SETBP1: variants seen among roughly 807,000 people sequenced by gnomAD.
SETBP1 encodes the protein SET-binding protein.
In SETBP1, 9 loss-of-function variants were observed where a neutral mutation model predicts 101.0. That is an observed-to-expected ratio of 0.09 (90% CI 0.05 to 0.16). The LOEUF is 0.16. Ranked by LOEUF, SETBP1 falls within the 10% of genes least tolerant of loss-of-function variation. The pLI, the probability that SETBP1 is intolerant of heterozygous loss-of-function variation, is 1.00. For missense variants in SETBP1, 1,858 were observed against 2,033.8 expected (o/e 0.91, Z 1.66); for synonymous variants, 818 against 788.5 (o/e 1.04, Z -0.63).
At chr18:45,021,149 G>A (rs1187879304) in intron 4 of SETBP1, among the ~76,000 whole-genome samples, 2 of 152,140 alleles carry the variant, frequency 1.3e-5, no homozygotes, top group African/African-American at 2.4e-5. Context: ...ATAAATACAT[G>A]AATATCACAA....
chr18:44,887,939 C>G (rs1007311031), intron 3 of SETBP1, among the ~76,000 whole-genome samples: 1 of 152,056 alleles, frequency 6.6e-6, no homozygotes. Context: ...TACGAGGGCT[C>G]AGTGGGAGGC....
intron 2 of SETBP1, among the ~76,000 whole-genome samples, chr18:44,865,267 A>G (rs2069103437): frequency 6.6e-6 from 1 of 152,206 alleles, no homozygotes; most frequent in African/African-American, 2.4e-5. Context: ...TTAGTACCAA[A>G]CATTGGTTTT....
intron 2 of SETBP1, among the ~76,000 whole-genome samples, chr18:44,796,544 A>G (rs1371169113): frequency 6.6e-6 from 1 of 152,234 alleles, no homozygotes; most frequent in African/African-American, 2.4e-5. Flanking sequence ...TCTTTATGTG[A>G]TTCCAACTGC....
chr18:44,975,473 C>T (rs2071965732), intron 4 of SETBP1, among the ~76,000 whole-genome samples: 1 of 152,002 alleles, frequency 6.6e-6, no homozygotes, highest in Non-Finnish European at 1.5e-5. Flanking sequence ...TACTGAGGTT[C>T]GATACTCAGT....
intron 2 of SETBP1, among the ~76,000 whole-genome samples, chr18:44,782,551 T>C (rs772379525): frequency 2.0e-5 from 3 of 152,160 alleles, no homozygotes; most frequent in Admixed American, 1.3e-4. Context: ...TGTATGGAAA[T>C]CATCTAGGTG....
At chr18:44,683,801 A>C (rs151022700) in intron 1 of SETBP1, among the ~76,000 whole-genome samples, 1 of 152,370 alleles carries the variant, frequency 6.6e-6, no homozygotes, top group East Asian at 1.9e-4. Context: ...CCAGCCAATG[A>C]AACCCTGTTT....
At chr18:44,693,292 G>C (rs1165219734) in intron 1 of SETBP1, among the ~76,000 whole-genome samples, 2 of 152,168 alleles carry the variant, frequency 1.3e-5, no homozygotes, top group Non-Finnish European at 2.9e-5. Context: ...CAAGCCCTGG[G>C]GGTGACCATG....
At chr18:44,747,487 C>T (rs185035401) in intron 2 of SETBP1, among the ~76,000 whole-genome samples, 13 of 152,244 alleles carry the variant, frequency 8.5e-5, no homozygotes, top group Non-Finnish European at 1.6e-4. Context: ...CCACACAGCT[C>T]GAGAATGGCA....
intron 4 of SETBP1, among the ~76,000 whole-genome samples, chr18:45,002,935 G>A (rs1220867254): frequency 6.6e-6 from 1 of 152,162 alleles, no homozygotes; most frequent in East Asian, 1.9e-4. Context: ...AAGAACTTGG[G>A]TTGTTGGGGT....
At chr18:44,721,106 G>A (rs1406508688) in intron 2 of SETBP1, among the ~76,000 whole-genome samples, 4 of 152,172 alleles carry the variant, frequency 2.6e-5, no homozygotes, top group African/African-American at 9.7e-5. Flanking sequence ...AGCCTTCTGG[G>A]ACGTGGAAAG....
chr18:45,012,039 T>A (rs1187990475), intron 4 of SETBP1, among the ~76,000 whole-genome samples: 1 of 152,192 alleles, frequency 6.6e-6, no homozygotes, highest in East Asian at 1.9e-4. Flanking sequence ...GACTTCTTCA[T>A]AATTCTCCAG....
chr18:45,051,441 A>T (rs955856178), intron 5 of SETBP1, among the ~76,000 whole-genome samples: 8 of 152,194 alleles, frequency 5.3e-5, no homozygotes, highest in Admixed American at 3.3e-4. Context: ...AACCATTATG[A>T]TTCTGATTCA....
chr18:44,989,607 C>A (rs1237000231), intron 4 of SETBP1, among the ~76,000 whole-genome samples: 1 of 151,566 alleles, frequency 6.6e-6, no homozygotes, highest in East Asian at 1.9e-4. Flanking sequence ...CAAGAAATTC[C>A]AAACAGGATT....
intron 2 of SETBP1, among the ~76,000 whole-genome samples, chr18:44,844,936 A>G (rs2072695458): frequency 6.6e-6 from 1 of 152,188 alleles, no homozygotes; most frequent in African/African-American, 2.4e-5. Context: ...TGCTATTCAC[A>G]TTCATGCTTG....
At chr18:44,691,914 C>T (rs2068940509) in intron 1 of SETBP1, among the ~76,000 whole-genome samples, 1 of 152,144 alleles carries the variant, frequency 6.6e-6, no homozygotes, top group African/African-American at 2.4e-5. Context: ...AGGAACTTGC[C>T]CAAGGCCACC....
At chr18:44,919,274 T>C (rs2144923361) in intron 3 of SETBP1, among the ~76,000 whole-genome samples, 1 of 152,156 alleles carries the variant, frequency 6.6e-6, no homozygotes, top group Non-Finnish European at 1.5e-5. Flanking sequence ...TCATTTCACC[T>C]AGGTCTCCAT....
At position 44,865,469 on chromosome 18, in the gene SETBP1, G is replaced by A. The variant is rs1231370525; in HGVS notation, c.487-3761G>A. Among the ~76,000 whole-genome samples, 10 of 152,082 alleles carry A rather than the reference G, an allele frequency of 6.6e-5. No homozygotes were observed. The South Asian group carries it at 1.2e-3, about 19-fold the overall frequency. ...AGGGACCTCCAACTGCCTCCCTCAG[G>A]CCCTGACACTAAGAATGGAACTCTT... On this transcript the variant is annotated intron_variant, in intron 2 of 5. Transcript: ENST00000649279.
At chr18:44,851,966 C>T (rs778038518) in intron 2 of SETBP1, among the ~76,000 whole-genome samples, 4 of 152,234 alleles carry the variant, frequency 2.6e-5, no homozygotes, top group Non-Finnish European at 5.9e-5. Context: ...CCCAGGCTCA[C>T]GGCCTTCCAC....
intron 1 of SETBP1, among the ~76,000 whole-genome samples, chr18:44,694,947 A>C (rs1300076174): frequency 1.3e-5 from 2 of 152,262 alleles, no homozygotes; most frequent in Non-Finnish European, 2.9e-5. Flanking sequence ...GAGCATGCTG[A>C]TGAAAAGACA....
Sources: gnomAD v4.1 joint callset for allele counts (sites outside exome capture counted in the v4.1 genomes callset) on GRCh38, gnomAD v4.1.1 for gene constraint, MANE v1.5 for transcripts, NCBI Gene and HGNC (gene_info 2026-07-23, HGNC 2026-07-21) for gene names.